The following TSPAN3 variants were observed in gnomAD, a reference collection of about 807,000 sequenced individuals.
The protein encoded by TSPAN3 is tetraspanin-3.
Under a neutral mutation model 31.1 loss-of-function variants are expected in TSPAN3, and 9 were observed. That is an observed-to-expected ratio of 0.29 (90% CI 0.17 to 0.50). The LOEUF (loss-of-function observed/expected upper bound fraction) is 0.50. Ranked by LOEUF, TSPAN3 falls within the 20% of genes least tolerant of loss-of-function variation. The pLI, the probability that TSPAN3 is intolerant of heterozygous loss-of-function variation, is 0.98. For synonymous variants in TSPAN3, 129 were observed against 114.3 expected, an observed-to-expected ratio of 1.13 and a Z score of -0.82; for missense variants, 252 against 313.5, an observed-to-expected ratio of 0.80 and a Z score of 1.48.
At chr15:77,057,157 G>T (rs1001853840) in intron 1 of TSPAN3, among the ~76,000 whole-genome samples, 9 of 152,244 alleles carry the variant, frequency 5.9e-5, no homozygotes, top group African/African-American at 2.2e-4. Flanking sequence ...TGCTATCTTT[G>T]GGTACCAGCT....
intron 1 of TSPAN3, among the ~76,000 whole-genome samples, chr15:77,060,507 T>C (rs1410103527): frequency 6.6e-6 from 1 of 152,076 alleles, no homozygotes; most frequent in East Asian, 1.9e-4. Flanking sequence ...GTATAGTAAA[T>C]GGAAGAGAGG....
intron 3 of TSPAN3, chr15:77,055,176 TATTA>T (rs896718927): frequency 6.6e-6 from 1 of 152,182 alleles, no homozygotes; most frequent in African/African-American, 2.4e-5. Flanking sequence ...ATTATACCCA[TATTA>T]ATTAATTTAA....
chr15:77,066,551 G>A (rs2076834259), intron 1 of TSPAN3, among the ~76,000 whole-genome samples: 2 of 123,732 alleles, frequency 1.6e-5, no homozygotes, highest in Admixed American at 9.8e-5. Flanking sequence ...CAGCCTGGGC[G>A]ACAGAGTAAG....
In TSPAN3 at chr15:77,041,810, C is replaced by T. The variant is rs1000423588; in HGVS notation, c.*5025G>A. On this transcript the variant is annotated 3_prime_UTR_variant, in exon 7 of 7. Transcript: ENST00000267970. ...CTAGATACAGGCAGTGGTTCTATAG[C>T]ATGGTGAATGTACTCAAGGCAACTT... 1 of 152,170 alleles carries T rather than the reference C, an allele frequency of 6.6e-6. No individual in the cohort carries two copies. Among genetic ancestry groups the T allele is most frequent in the Non-Finnish European group, 1.5e-5 (1 of 68,040 alleles). 9.4% of individuals were successfully genotyped at this position (152,170 alleles called of 1,614,324 possible). A position where few individuals can be genotyped will look rare whatever the true frequency, so the allele number is the denominator to read the frequency against.
At chr15:77,058,985 CAT>C (rs1164843609) in intron 1 of TSPAN3, among the ~76,000 whole-genome samples, 3 of 152,186 alleles carry the variant, frequency 2.0e-5, no homozygotes, top group Non-Finnish European at 4.4e-5. Context: ...AGTTCACTGA[CAT>C]ATTTGCTTTT....
chr15:77,068,196 G>C (rs1245222672), intron 1 of TSPAN3: 1 of 152,176 alleles, frequency 6.6e-6, no homozygotes, highest in Non-Finnish European at 1.5e-5. Flanking sequence ...ATTGCACTGT[G>C]ACACATTTGC....
chr15:77,070,304 C>T (rs1443772535), intron 1 of TSPAN3, among the ~76,000 whole-genome samples: 1 of 152,122 alleles, frequency 6.6e-6, no homozygotes, highest in African/African-American at 2.4e-5. Context: ...ACAAATAGAC[C>T]GATGTTCTTG....
rs2076670961 is a variant in TSPAN3 at position 77,043,454 on chromosome 15, T to C, written c.*3381A>G. On this transcript the variant is annotated 3_prime_UTR_variant, in exon 7 of 7. Coordinates refer to ENST00000267970, the MANE Select transcript of TSPAN3 (RefSeq NM_005724.6). Reference sequence around the variant, plus strand: ...TCCCCACTGTGGGGCAGATGGGCATTGTGTGCCTCGAGATGCGATGCCCTG... The same window carrying C: ...TCCCCACTGTGGGGCAGATGGGCATCGTGTGCCTCGAGATGCGATGCCCTG... 2 of 152,190 alleles carry C rather than the reference T, an allele frequency of 1.3e-5. No individual in the cohort carries two copies. Among genetic ancestry groups the C allele is most frequent in the African/African-American group, 4.8e-5 (2 of 41,430 alleles). 9.4% of individuals were successfully genotyped at this position (152,190 alleles called of 1,614,324 possible).
rs2076866212 is a variant in TSPAN3 at position 77,071,009 on chromosome 15, A to AG, written c.-56dup. 7.7e-7 allele frequency: 1 copy of AG among 1,302,824 alleles called. No individual in the cohort carries two copies. The highest frequency in any genetic ancestry group is 9.9e-7 in the Non-Finnish European group (1 of 1,005,408). 80.7% of individuals were successfully genotyped at this position (1,302,824 alleles called of 1,614,324 possible). ...GGAGAGCGGGGCTGCGCTCACCGAG[A>AG]GAGCGGCAATGGCGGCGGCGCCTCC... On this transcript the variant is annotated 5_prime_UTR_variant, in exon 1 of 7. Transcript: ENST00000267970.
chr15:77,044,060 T>C lies in TSPAN3; in HGVS notation c.*2775A>G, dbSNP rs2076675112. 6.6e-6 allele frequency: 1 copy of C among 152,218 alleles called. No individual in the cohort carries two copies. Among genetic ancestry groups the C allele is most frequent in the Non-Finnish European group, 1.5e-5 (1 of 68,038 alleles). 9.4% of individuals were successfully genotyped at this position (152,218 alleles called of 1,614,324 possible). A position where few individuals can be genotyped will look rare whatever the true frequency, so the allele number is the denominator to read the frequency against. On this transcript the variant is annotated 3_prime_UTR_variant, in exon 7 of 7. Transcript: ENST00000267970. ...AGTTTTTATTCTTGCAACTTTTCTGTAGCTTTGAAATCATTTCCAAGTAAA... is the reference window on the plus strand; with the variant it reads ...AGTTTTTATTCTTGCAACTTTTCTGCAGCTTTGAAATCATTTCCAAGTAAA...
chr15:77,069,604 C>T (rs904023815), intron 1 of TSPAN3, among the ~76,000 whole-genome samples: 4 of 152,174 alleles, frequency 2.6e-5, no homozygotes, highest in Non-Finnish European at 5.9e-5. Context: ...CACAAACGCC[C>T]CGAAGGACTC....
chr15:77,056,398 G>A (rs2076769242), intron 1 of TSPAN3, 143 bp from the exon 2 acceptor site: 4 of 587,216 alleles, frequency 6.8e-6, no homozygotes, highest in Non-Finnish European at 2.8e-6. Context: ...ATGATTCCTT[G>A]TTAAGAGCAT....
rs1596154518 is a variant in TSPAN3, at chr15:77,045,804, C to T, written c.*1031G>A. ...CTCCTTGAAGACAAGGACAGTATCG[C>T]CACTGTATCCCCAGTGCATTGCACA... On this transcript the variant is annotated 3_prime_UTR_variant, in exon 7 of 7. Coordinates refer to ENST00000267970, the MANE Select transcript of TSPAN3 (RefSeq NM_005724.6). 6.6e-6 allele frequency: 1 copy of T among 152,178 alleles called. No homozygotes were observed. Among genetic ancestry groups the T allele is most frequent in the East Asian group, 1.9e-4 (1 of 5,206 alleles). The allele number at this position is 152,178 out of a possible 1,614,324, so 9.4% of individuals were successfully genotyped here.
intron 1 of TSPAN3, chr15:77,064,009 T>C (rs2076815825): frequency 6.6e-6 from 1 of 152,248 alleles, no homozygotes; most frequent in African/African-American, 2.4e-5. Flanking sequence ...ACTTGGGTTA[T>C]GTGTTTAATC....
chr15:77,047,670 T>C (rs1056977156), intron 6 of TSPAN3, among the ~76,000 whole-genome samples: 2 of 152,246 alleles, frequency 1.3e-5, no homozygotes, highest in Non-Finnish European at 2.9e-5. Flanking sequence ...GGAATAGTAA[T>C]AAAGTCATGC....
chr15:77,046,791 T>A lies in TSPAN3; in HGVS notation c.*44A>T. The A allele has an allele frequency of 1.4e-6, 2 of 1,468,004 alleles. No homozygotes were observed. Among genetic ancestry groups the A allele is most frequent in the Non-Finnish European group, 1.9e-6 (2 of 1,068,210 alleles). 90.9% of individuals were successfully genotyped at this position (1,468,004 alleles called of 1,614,324 possible). ...AGCAGCAGACCTGCTCAATTCACCT[T>A]CCAAATCAGAACAAGACCAAAAAGC... On this transcript the variant is annotated 3_prime_UTR_variant, in exon 7 of 7. Coordinates refer to ENST00000267970, the MANE Select transcript of TSPAN3 (RefSeq NM_005724.6).
rs2076689496 is a variant in TSPAN3, at chr15:77,046,127, C to T, written c.*708G>A. 3 of 320,854 alleles carry T rather than the reference C, an allele frequency of 9.4e-6. No homozygotes were observed. Among genetic ancestry groups the T allele is most frequent in the Non-Finnish European group, 1.7e-5 (3 of 177,116 alleles). The allele number at this position is 320,854 out of a possible 1,614,324, so 19.9% of individuals were successfully genotyped here. ...CTAGTCTACATGGGTACATTATTTC[C>T]AACAAGCTTAAGACTTACCATGAAT... is the stretch of plus-strand genomic sequence containing the variant. On this transcript the variant is annotated 3_prime_UTR_variant, in exon 7 of 7. Transcript: ENST00000267970.
intron 3 of TSPAN3, 147 bp downstream of exon 3, chr15:77,055,642 G>T: frequency 1.6e-6 from 1 of 623,808 alleles, no homozygotes; most frequent in Non-Finnish European, 2.8e-6. Flanking sequence ...GTAAATATTT[G>T]CCAATTAACT....
At chr15:77,064,078 AGATTAC>A (rs2076816486) in intron 1 of TSPAN3, 1 of 152,258 alleles carries the variant, frequency 6.6e-6, no homozygotes, top group African/African-American at 2.4e-5. Context: ...CCCCTTTAGT[AGATTAC>A]AAACTACACA....
Sources: gnomAD v4.1 joint callset for allele counts (sites outside exome capture counted in the v4.1 genomes callset) on GRCh38, gnomAD v4.1.1 for gene constraint, MANE v1.5 for transcripts, NCBI Gene and HGNC (gene_info 2026-07-23, HGNC 2026-07-21) for gene names.